The following C13orf42 variants were observed in gnomAD, a reference collection of about 807,000 sequenced individuals.
C13orf42 encodes uncharacterized protein C13orf42.
At chr13:51,116,403 C>G (rs1263948985) in intron 1 of C13orf42, among the ~76,000 whole-genome samples, 2 of 152,200 alleles carry the variant, frequency 1.3e-5, no homozygotes, top group East Asian at 3.8e-4. Context: ...GGATTTAATT[C>G]TACAAGGTGC....
At chr13:51,154,744 C>A (rs1412825857) in intron 1 of C13orf42, among the ~76,000 whole-genome samples, 1 of 152,218 alleles carries the variant, frequency 6.6e-6, no homozygotes, top group Non-Finnish European at 1.5e-5. Flanking sequence ...ACGTGCCAGA[C>A]CTCGTTGAAG....
chr13:51,141,095 GGTGTGTGT>G (rs3043870), intron 1 of C13orf42, among the ~76,000 whole-genome samples: 139 of 128,544 alleles, frequency 1.1e-3, no homozygotes, highest in South Asian at 6.1e-3. Context: ...ATCGAAGGGA[GGTGTGTGT>G]GTGTGTGTGT....
intron 1 of C13orf42, among the ~76,000 whole-genome samples, chr13:51,145,550 G>A (rs1953727787): frequency 6.6e-6 from 1 of 152,052 alleles, no homozygotes; most frequent in African/African-American, 2.4e-5. Flanking sequence ...AAAAAAGGGG[G>A]GAAATGTTAA....
chr13:51,093,967 G>A (rs1456718880), intron 1 of C13orf42, among the ~76,000 whole-genome samples: 2 of 152,016 alleles, frequency 1.3e-5, no homozygotes, highest in Non-Finnish European at 2.9e-5. Flanking sequence ...GTTTGTTTTG[G>A]GGGGGTATTA....
At chr13:51,171,031 G>A (rs552279981) in intron 1 of C13orf42, among the ~76,000 whole-genome samples, 40 of 150,532 alleles carry the variant, frequency 2.7e-4, no homozygotes, top group Non-Finnish European at 4.7e-4. Flanking sequence ...CCTTATTTCC[G>A]TGCCCCAACC....
intron 1 of C13orf42, among the ~76,000 whole-genome samples, chr13:51,101,513 TA>T (rs994405232): frequency 1.6e-4 from 25 of 151,798 alleles, no homozygotes; most frequent in African/African-American, 5.6e-4. Flanking sequence ...TCTATTCCAC[TA>T]AAAAAAAGAA....
At chr13:51,157,734 G>GT (rs1953835798) in intron 1 of C13orf42, among the ~76,000 whole-genome samples, 2 of 152,154 alleles carry the variant, frequency 1.3e-5, no homozygotes, top group Admixed American at 6.5e-5. Flanking sequence ...ACCAACTGGT[G>GT]TTTTTTTAAT....
At chr13:51,111,729 C>T (rs1040879772), upstream of C13orf42, among the ~76,000 whole-genome samples, 1 of 152,166 alleles carries the variant, frequency 6.6e-6, no homozygotes, top group Non-Finnish European at 1.5e-5. Flanking sequence ...CAGGGACAGC[C>T]CTTACCCAAA....
intron 1 of C13orf42, among the ~76,000 whole-genome samples, chr13:51,105,949 G>A (rs1593535328): frequency 1.3e-5 from 2 of 152,286 alleles, no homozygotes; most frequent in East Asian, 3.9e-4. Context: ...GAATGAGCTG[G>A]GAGATATGAA....
At chr13:51,100,684 G>A (rs1953280920) in intron 1 of C13orf42, among the ~76,000 whole-genome samples, 5 of 152,120 alleles carry the variant, frequency 3.3e-5, no homozygotes, top group Admixed American at 3.3e-4. Flanking sequence ...CTGATAAAAT[G>A]CAAATAGAAG....
At chr13:51,102,527 G>A (rs533412449) in intron 1 of C13orf42, among the ~76,000 whole-genome samples, 7 of 152,222 alleles carry the variant, frequency 4.6e-5, no homozygotes, top group Admixed American at 4.6e-4. Flanking sequence ...GGTATTCTTC[G>A]GAATTCAATG....
chr13:51,112,345 C>T (rs1395215124), upstream of C13orf42, among the ~76,000 whole-genome samples: 3 of 151,966 alleles, frequency 2.0e-5, no homozygotes, highest in East Asian at 5.8e-4. Flanking sequence ...TTGCTGTTTG[C>T]TCTGTGTGTG....
At chr13:51,091,063 T>A (rs1020648366) in intron 1 of C13orf42, among the ~76,000 whole-genome samples, 2 of 152,198 alleles carry the variant, frequency 1.3e-5, no homozygotes, top group African/African-American at 2.4e-5. Context: ...TTCCCACACC[T>A]TGCCATTTCT....
chr13:51,141,823 A>AG (rs1566137547), intron 1 of C13orf42, among the ~76,000 whole-genome samples: 1 of 152,194 alleles, frequency 6.6e-6, no homozygotes, highest in African/African-American at 2.4e-5. Context: ...AAATTAGATA[A>AG]TAAGAAAGAA....
chr13:51,159,080 T>A (rs995467769), intron 1 of C13orf42, among the ~76,000 whole-genome samples: 5 of 152,162 alleles, frequency 3.3e-5, no homozygotes, highest in African/African-American at 1.2e-4. Flanking sequence ...CCAATCTCCC[T>A]CTCTCCACAC....
intron 1 of C13orf42, among the ~76,000 whole-genome samples, chr13:51,160,772 C>T (rs1000610343): frequency 1.3e-5 from 2 of 151,944 alleles, no homozygotes; most frequent in Non-Finnish European, 2.9e-5. Context: ...AATTCCTTAA[C>T]CTGATTTTTT....
chr13:51,120,683 C>T lies in C13orf42; in HGVS notation n.137-7461G>A, dbSNP rs187925493. On this transcript the variant is annotated intron_variant and non_coding_transcript_variant, in intron 1 of 4. Transcript: ENST00000433280. ...CTATTTTCGGTTCTGTCAGTCATTGCTGTGTGATTTTGGGAAAGCCTTTGG... is the reference window on the plus strand; with the variant it reads ...CTATTTTCGGTTCTGTCAGTCATTGTTGTGTGATTTTGGGAAAGCCTTTGG... Among the ~76,000 whole-genome samples, 976 of 152,240 alleles carry T rather than the reference C, an allele frequency of 6.4e-3. 5 individuals are homozygous for T. Among genetic ancestry groups the T allele is most frequent in the Non-Finnish European group, 0.011 (760 of 68,012 alleles).
At chr13:51,169,462 G>T (rs527276390) in intron 1 of C13orf42, among the ~76,000 whole-genome samples, 70 of 152,334 alleles carry the variant, frequency 4.6e-4, no homozygotes, top group Admixed American at 1.6e-3. Context: ...GCCAGCTGCA[G>T]AAATTTGCAT....
intron 3 of C13orf42, among the ~76,000 whole-genome samples, 172 bp downstream of exon 3, chr13:51,085,147 T>C (rs1243047031): frequency 6.7e-6 from 1 of 149,190 alleles, no homozygotes; most frequent in Non-Finnish European, 1.5e-5. Flanking sequence ...CAAAAAAAAA[T>C]GTTGAAACTA....
Sources: gnomAD v4.1 joint callset for allele counts (sites outside exome capture counted in the v4.1 genomes callset) on GRCh38, gnomAD v4.1.1 for gene constraint, MANE v1.5 for transcripts, NCBI Gene and HGNC (gene_info 2026-07-23, HGNC 2026-07-21) for gene names.